TAFA2: variants seen among roughly 807,000 people sequenced by gnomAD.
TAFA2 encodes chemokine-like protein TAFA-2.
Under a neutral mutation model 18.8 loss-of-function variants are expected in TAFA2, and 7 were observed. The ratio of observed to expected loss-of-function variants is 0.37; its 90% CI spans 0.21 to 0.70. The LOEUF (loss-of-function observed/expected upper bound fraction) is 0.70, where lower values mean the gene tolerates loss of function less well. Ranked by LOEUF, TAFA2 falls within the 30% of genes least tolerant of loss-of-function variation. TAFA2 has a pLI of 0.53. For synonymous variants in TAFA2, 60 were observed against 54.2 expected (o/e 1.11, Z -0.47); for missense variants, 122 against 158.1 (o/e 0.77, Z 1.23).
In TAFA2 at chr12:61,830,022, C is replaced by T. The variant is rs371695100; in HGVS notation, c.106+37298G>A. 9.1e-4 allele frequency among the ~76,000 whole-genome samples: 137 copies of T among 150,988 alleles called. No homozygotes were observed. The East Asian group carries it at 0.011, about 12-fold the overall frequency. On this transcript the variant is annotated intron_variant, in intron 2 of 4. Transcript: ENST00000416284. ...TATTGTTCCTGTGCTATAATGTCAA[C>T]AATGTAAACTTTGTATAAAAAAATA...
At chr12:62,025,044 G>T (rs1006454197) in intron 1 of TAFA2, among the ~76,000 whole-genome samples, 7 of 152,120 alleles carry the variant, frequency 4.6e-5, no homozygotes, top group African/African-American at 1.7e-4. Flanking sequence ...AAAGTAGTTT[G>T]ATTTCTCAAA....
At chr12:61,872,695 C>G (rs1018748682) in intron 1 of TAFA2, among the ~76,000 whole-genome samples, 1 of 152,144 alleles carries the variant, frequency 6.6e-6, no homozygotes, top group Non-Finnish European at 1.5e-5. Context: ...CTGGCTCTCC[C>G]ACTATCCCCT....
At chr12:62,036,357 C>CA (rs1474508253) in intron 1 of TAFA2, among the ~76,000 whole-genome samples, 1 of 152,130 alleles carries the variant, frequency 6.6e-6, no homozygotes, top group African/African-American at 2.4e-5. Flanking sequence ...ATTAAAAGAG[C>CA]AAAATGCTGC....
chr12:62,151,927 T>C (rs1223072136), intron 1 of TAFA2, among the ~76,000 whole-genome samples: 2 of 152,208 alleles, frequency 1.3e-5, no homozygotes, highest in Non-Finnish European at 2.9e-5. Flanking sequence ...AACAAAGTAA[T>C]GTTAGCCTTT....
At chr12:62,186,785 C>T (rs771206160) in intron 1 of TAFA2, among the ~76,000 whole-genome samples, 1 of 152,124 alleles carries the variant, frequency 6.6e-6, no homozygotes, top group Non-Finnish European at 1.5e-5. Context: ...TCCACATGAA[C>T]CACTGAACAA....
At chr12:61,933,286 T>C (rs565219757) in intron 1 of TAFA2, among the ~76,000 whole-genome samples, 2 of 152,314 alleles carry the variant, frequency 1.3e-5, no homozygotes, top group East Asian at 3.9e-4. Context: ...AAAAACATCT[T>C]TAACAGCTAT....
chr12:62,239,634 C>T (rs935229835), intron 1 of TAFA2, among the ~76,000 whole-genome samples: 4 of 152,142 alleles, frequency 2.6e-5, no homozygotes, highest in African/African-American at 4.8e-5. Context: ...AACCTAGCCA[C>T]CATGTTGTGA....
At chr12:61,825,557 G>C (rs1163886256) in intron 2 of TAFA2, among the ~76,000 whole-genome samples, 4 of 152,058 alleles carry the variant, frequency 2.6e-5, no homozygotes, top group Admixed American at 6.6e-5. Flanking sequence ...TCAGATGAGT[G>C]TTGGGTTTAT....
intron 1 of TAFA2, among the ~76,000 whole-genome samples, chr12:62,072,534 A>G (rs1357519574): frequency 6.6e-6 from 1 of 152,044 alleles, no homozygotes; most frequent in Non-Finnish European, 1.5e-5. Context: ...TAATTCCAGC[A>G]CTTTGGGAGG....
chr12:62,247,687 G>C (rs2062893343), intron 1 of TAFA2, among the ~76,000 whole-genome samples: 1 of 152,110 alleles, frequency 6.6e-6, no homozygotes, highest in Non-Finnish European at 1.5e-5. Context: ...AGGCCAACTA[G>C]AAGATCCATA....
chr12:61,868,523 C>T (rs1874452586), intron 1 of TAFA2, among the ~76,000 whole-genome samples: 2 of 152,094 alleles, frequency 1.3e-5, no homozygotes, highest in Admixed American at 1.3e-4. Context: ...GGGTCACTTC[C>T]TGATGTAGCC....
intron 2 of TAFA2, among the ~76,000 whole-genome samples, chr12:61,761,185 C>T (rs772658781): frequency 2.0e-5 from 3 of 151,910 alleles, no homozygotes; most frequent in Admixed American, 6.6e-5. Flanking sequence ...TATTTTGAAA[C>T]GAAGTCCCAT....
chr12:62,072,021 T>G (rs1882643650), intron 1 of TAFA2, among the ~76,000 whole-genome samples: 1 of 152,194 alleles, frequency 6.6e-6, no homozygotes, highest in South Asian at 2.1e-4. Context: ...TACATTACAT[T>G]TCAGGTACTA....
At chr12:61,759,833 A>G (rs1439591543) in intron 2 of TAFA2, among the ~76,000 whole-genome samples, 1 of 152,172 alleles carries the variant, frequency 6.6e-6, no homozygotes, top group East Asian at 1.9e-4. Context: ...AAACTATTCT[A>G]TAATGGGATA....
chr12:61,933,100 A>T (rs887852284), intron 1 of TAFA2, among the ~76,000 whole-genome samples: 1 of 152,158 alleles, frequency 6.6e-6, no homozygotes, highest in Non-Finnish European at 1.5e-5. Flanking sequence ...AGACCAAAGG[A>T]GTTCAGGGTA....
In TAFA2 at chr12:61,753,740, A is replaced by G. The variant is rs763205251; in HGVS notation, c.266T>C (p.Ile89Thr). The G allele has an allele frequency of 1.2e-5, 20 of 1,609,978 alleles. No homozygotes were observed. Among genetic ancestry groups the G allele is most frequent in the Non-Finnish European group, 1.7e-5 (20 of 1,178,154 alleles). ...RAAPSCVDAS[I>T]VEQKWWCHMQ... ...ATGGCACCACCATTTCTGTTCCACT[A>G]TTGAAGCTATAAGAGAGAAAAAAAA... Residue 89 changes from isoleucine to threonine, a missense_variant, in exon 4 of 5, where the codon ATA becomes ACA. Ile to Thr is a moderately conservative substitution (Grantham distance 89). Coordinates refer to ENST00000416284, the MANE Select transcript of TAFA2 (RefSeq NM_178539.5).
intron 1 of TAFA2, among the ~76,000 whole-genome samples, chr12:62,219,344 G>T (rs1441149716): frequency 1.3e-5 from 2 of 152,110 alleles, no homozygotes; most frequent in Non-Finnish European, 2.9e-5. Context: ...AAAACTTGAA[G>T]AAGTTGCTAA....
At chr12:61,973,615 A>G (rs879559115) in intron 1 of TAFA2, among the ~76,000 whole-genome samples, 1 of 151,556 alleles carries the variant, frequency 6.6e-6, no homozygotes, top group African/African-American at 2.4e-5. Context: ...TGAGGCAAAG[A>G]CCTTGTTATT....
intron 2 of TAFA2, among the ~76,000 whole-genome samples, chr12:61,837,519 C>G (rs1872984427): frequency 6.6e-6 from 1 of 151,924 alleles, no homozygotes; most frequent in Admixed American, 6.6e-5. Flanking sequence ...TATTAATATT[C>G]CCTTAAATTA....
Sources: allele counts gnomAD v4.1 joint callset (sites outside exome capture counted in the v4.1 genomes callset), GRCh38; gene constraint gnomAD v4.1.1; transcripts MANE v1.5; gene names NCBI Gene and HGNC (gene_info 2026-07-23, HGNC 2026-07-21).